The following ELMO1 variants were observed in gnomAD, a reference collection of about 807,000 sequenced individuals.
ELMO1 encodes engulfment and cell motility protein 1.
A neutral mutation model predicts 98.9 loss-of-function variants in ELMO1; 26 were observed. That is an observed-to-expected ratio of 0.26 (90% CI 0.19 to 0.36). The LOEUF (loss-of-function observed/expected upper bound fraction) is 0.36, where lower values mean the gene tolerates loss of function less well. ELMO1 is among the 10% of genes least tolerant of loss of function. The pLI is 1.00. For missense variants in ELMO1, 627 were observed against 935.2 expected (o/e 0.67, Z 4.30); for synonymous variants, 346 against 346.0 (o/e 1.00, Z 0.00).
At chr7:37,379,175 G>T (rs907588741) in intron 1 of ELMO1, among the ~76,000 whole-genome samples, 6 of 152,040 alleles carry the variant, frequency 3.9e-5, no homozygotes, top group African/African-American at 1.4e-4. Flanking sequence ...AAGTAGCTGG[G>T]ACTACAGGCG....
intron 16 of ELMO1, among the ~76,000 whole-genome samples, chr7:36,923,007 C>A (rs192036368): frequency 6.6e-6 from 1 of 152,194 alleles, no homozygotes; most frequent in African/African-American, 2.4e-5. Context: ...CCCAGTCCCT[C>A]GTCTGGAAGG....
chr7:37,128,249 C>G (rs1436739404), intron 14 of ELMO1, among the ~76,000 whole-genome samples: 1 of 152,056 alleles, frequency 6.6e-6, no homozygotes, highest in Non-Finnish European at 1.5e-5. Context: ...AACAAAACAT[C>G]TACAACACGC....
intron 1 of ELMO1, among the ~76,000 whole-genome samples, chr7:37,444,669 C>A (rs1461066156): frequency 2.1e-5 from 3 of 142,792 alleles, no homozygotes; most frequent in South Asian, 2.4e-4. Flanking sequence ...CCCACTACCA[C>A]GCCCGGCTAA....
At chr7:36,987,827 G>A (rs529261288) in intron 16 of ELMO1, among the ~76,000 whole-genome samples, 27 of 151,726 alleles carry the variant, frequency 1.8e-4, no homozygotes, top group African/African-American at 6.3e-4. Context: ...GTGTGATCTC[G>A]GCTCACTGCA....
intron 15 of ELMO1, among the ~76,000 whole-genome samples, chr7:37,083,300 T>C (rs1388564044): frequency 6.6e-6 from 1 of 152,138 alleles, no homozygotes; most frequent in Non-Finnish European, 1.5e-5. Flanking sequence ...GCAGAGTCTA[T>C]TAAGCTTGCT....
intron 16 of ELMO1, among the ~76,000 whole-genome samples, chr7:36,902,398 G>A (rs925791249): frequency 7.9e-5 from 12 of 152,176 alleles, no homozygotes; most frequent in Non-Finnish European, 4.4e-5. Flanking sequence ...TGTCTGAAGG[G>A]GTGATGAGAC....
At chr7:37,144,248 TTCTC>T (rs150352368) in intron 13 of ELMO1, among the ~76,000 whole-genome samples, 12 of 149,536 alleles carry the variant, frequency 8.0e-5, no homozygotes, top group South Asian at 2.1e-4. Flanking sequence ...TATGTTCTCA[TTCTC>T]TCTCTCTCTC....
In ELMO1 at chr7:37,077,133, A is replaced by G. The variant is rs867597046; in HGVS notation, c.1300+19486T>C. 1.1e-4 allele frequency among the ~76,000 whole-genome samples: 16 copies of G among 152,350 alleles called. 1 individual carries two copies. Among genetic ancestry groups the G allele is most frequent in the African/African-American group, 3.6e-4 (15 of 41,570 alleles). On this transcript the variant is annotated intron_variant, in intron 15 of 21. Transcript: ENST00000310758. ...TTGGATTAAAGGACAATCTTATACTAGAATTGGGATGGAACTGATACTAAT... is the reference window on the plus strand; with the variant it reads ...TTGGATTAAAGGACAATCTTATACTGGAATTGGGATGGAACTGATACTAAT...
chr7:37,076,885 G>A (rs766749047), intron 15 of ELMO1, among the ~76,000 whole-genome samples: 1 of 152,248 alleles, frequency 6.6e-6, no homozygotes, highest in African/African-American at 2.4e-5. Context: ...AGCACAGGCT[G>A]TGTATCTGGC....
chr7:37,387,665 G>A (rs1010130673), intron 1 of ELMO1, among the ~76,000 whole-genome samples: 1 of 152,164 alleles, frequency 6.6e-6, no homozygotes, highest in Non-Finnish European at 1.5e-5. Context: ...TGTTTCCCTA[G>A]CAGGCACTTA....
At chr7:37,041,364 A>C (rs1047804951) in intron 15 of ELMO1, among the ~76,000 whole-genome samples, 3 of 152,168 alleles carry the variant, frequency 2.0e-5, no homozygotes, top group African/African-American at 4.8e-5. Context: ...GGACCCTGAA[A>C]TATACAAGGT....
rs142747444 is a variant in ELMO1, at chr7:36,994,803, A to C, written c.1437+18496T>G. Reference sequence around the variant, plus strand: ...TCTGCTTAGAACTTCCTTCCAGTTAATGAGTCTTTCTTGAATCAAGCCTGA... The same window carrying C: ...TCTGCTTAGAACTTCCTTCCAGTTACTGAGTCTTTCTTGAATCAAGCCTGA... On this transcript the variant is annotated intron_variant, in intron 16 of 21. Coordinates refer to ENST00000310758, the MANE Select transcript of ELMO1 (RefSeq NM_014800.11). Among the ~76,000 whole-genome samples, 207 of 152,362 alleles carry C rather than the reference A, an allele frequency of 1.4e-3. 1 individual carries two copies. Among genetic ancestry groups the C allele is most frequent in the African/African-American group, 4.8e-3 (199 of 41,588 alleles).
chr7:36,905,053 A>G (rs775795998), intron 16 of ELMO1, among the ~76,000 whole-genome samples: 11 of 152,240 alleles, frequency 7.2e-5, no homozygotes, highest in Non-Finnish European at 1.3e-4. Flanking sequence ...TTAAATAAAC[A>G]TGTCAAGCAA....
intron 15 of ELMO1, among the ~76,000 whole-genome samples, chr7:37,063,894 C>T (rs183252094): frequency 6.6e-6 from 1 of 152,300 alleles, no homozygotes; most frequent in East Asian, 1.9e-4. Flanking sequence ...AACCAGCCCC[C>T]TCCTGCCACC....
chr7:36,966,345 T>C (rs769730168), intron 16 of ELMO1, among the ~76,000 whole-genome samples: 6 of 152,226 alleles, frequency 3.9e-5, no homozygotes, highest in African/African-American at 7.2e-5. Context: ...AGGTTATTTA[T>C]ATTTGGAATC....
At position 37,087,738 on chromosome 7, in the gene ELMO1, G is replaced by A. The variant is rs189043307; in HGVS notation, c.1300+8881C>T. ...TTTTTCATTTTACTTTTTATTTGCC[G>A]TGGTTTTTACCATTTATCATTATTT... On this transcript the variant is annotated intron_variant, in intron 15 of 21. Transcript: ENST00000310758. 1.2e-3 allele frequency among the ~76,000 whole-genome samples: 181 copies of A among 152,058 alleles called. 2 individuals are homozygous for A. The highest frequency in any genetic ancestry group is 2.3e-3 in the Non-Finnish European group (157 of 68,012).
At chr7:37,020,553 C>A (rs2113354) in intron 15 of ELMO1, among the ~76,000 whole-genome samples, 1 of 151,980 alleles carries the variant, frequency 6.6e-6, no homozygotes, top group African/African-American at 2.4e-5. Context: ...AATGATAAGA[C>A]GACGGGAAAA....
At chr7:36,975,829 A>G (rs548245423) in intron 16 of ELMO1, among the ~76,000 whole-genome samples, 2 of 148,802 alleles carry the variant, frequency 1.3e-5, no homozygotes, top group Admixed American at 6.8e-5. Flanking sequence ...CCTGGGCAAC[A>G]GAGTGACACT....
At chr7:37,144,087 A>G (rs2129311826) in intron 13 of ELMO1, among the ~76,000 whole-genome samples, 1 of 152,292 alleles carries the variant, frequency 6.6e-6, no homozygotes, top group African/African-American at 2.4e-5. Flanking sequence ...CATGTTCAAT[A>G]AACCACATCC....
Sources: allele counts gnomAD v4.1 joint callset (sites outside exome capture counted in the v4.1 genomes callset), GRCh38; gene constraint gnomAD v4.1.1; transcripts MANE v1.5; gene names NCBI Gene and HGNC (gene_info 2026-07-23, HGNC 2026-07-21).